The following RNGTT variants were observed in gnomAD, a reference collection of about 807,000 sequenced individuals.
RNGTT encodes the protein RNA guanylyltransferase and 5'-phosphatase.
A neutral mutation model predicts 79.3 loss-of-function variants in RNGTT; 33 were observed. That is an observed-to-expected ratio of 0.42 (90% confidence interval 0.32 to 0.56). RNGTT has a LOEUF of 0.56. Among genes scored for constraint, RNGTT ranks in the 20% least tolerant of loss-of-function variants. The pLI is 0.17. For missense variants in RNGTT, 497 were observed against 739.1 expected, an observed-to-expected ratio of 0.67 and a Z score of 3.80; for synonymous variants, 222 against 235.9, an observed-to-expected ratio of 0.94 and a Z score of 0.54.
At position 88,868,541 on chromosome 6, in the gene RNGTT, CCT is replaced by C. The variant is rs1048789027; in HGVS notation, c.897-14779_897-14778del. Among the ~76,000 whole-genome samples, 24 of 152,148 alleles carry C rather than the reference CCT, an allele frequency of 1.6e-4. 1 individual carries two copies. Among genetic ancestry groups the C allele is most frequent in the Admixed American group, 1.0e-3 (16 of 15,268 alleles). On this transcript the variant is annotated intron_variant, in intron 8 of 15. Transcript: ENST00000369485. ...CTTTCTTCACATTGCTCCCCTCACCCCTGTTACTCATCCTTCACTCATCATCC... is the reference window on the plus strand; with the variant it reads ...CTTTCTTCACATTGCTCCCCTCACCCGTTACTCATCCTTCACTCATCATCC...
intron 11 of RNGTT, among the ~76,000 whole-genome samples, chr6:88,828,607 G>A: frequency 6.6e-6 from 1 of 152,072 alleles, no homozygotes; most frequent in East Asian, 1.9e-4. Context: ...AGCTAAAGAA[G>A]CATGTTCTAA....
At chr6:88,916,701 T>C (rs1469933156) in intron 4 of RNGTT, among the ~76,000 whole-genome samples, 1 of 152,204 alleles carries the variant, frequency 6.6e-6, no homozygotes, top group Non-Finnish European at 1.5e-5. Flanking sequence ...TTTAAAAATA[T>C]ATGCCAAAAA....
chr6:88,725,367 G>C (rs1262292780), intron 13 of RNGTT, among the ~76,000 whole-genome samples: 6 of 151,960 alleles, frequency 3.9e-5, no homozygotes, highest in Admixed American at 3.9e-4. Context: ...TGCAGATGGT[G>C]AAGTATTTCC....
At chr6:88,895,340 G>A (rs542856468) in intron 6 of RNGTT, among the ~76,000 whole-genome samples, 7 of 150,678 alleles carry the variant, frequency 4.6e-5, no homozygotes, top group Admixed American at 2.7e-4. Flanking sequence ...TACATTCATC[G>A]TTGTATTCAA....
intron 13 of RNGTT, among the ~76,000 whole-genome samples, chr6:88,680,501 G>A (rs916643942): frequency 6.6e-6 from 1 of 152,044 alleles, no homozygotes; most frequent in Non-Finnish European, 1.5e-5. Flanking sequence ...CAGCACTTTG[G>A]GAAGCCGAGG....
chr6:88,867,604 T>C (rs1003242025), intron 8 of RNGTT, among the ~76,000 whole-genome samples: 8 of 152,144 alleles, frequency 5.3e-5, no homozygotes, highest in Admixed American at 1.3e-4. Flanking sequence ...GAAGAATCTG[T>C]CCAAAAGTTA....
chr6:88,783,125 G>A (rs941302796), intron 12 of RNGTT, among the ~76,000 whole-genome samples: 2 of 152,106 alleles, frequency 1.3e-5, no homozygotes, highest in Admixed American at 6.6e-5. Flanking sequence ...GCACAATAGC[G>A]AAGATATGGA....
intron 4 of RNGTT, among the ~76,000 whole-genome samples, chr6:88,920,737 A>C (rs1183046453): frequency 6.6e-6 from 1 of 152,252 alleles, no homozygotes; most frequent in African/African-American, 2.4e-5. Context: ...TCATGATTTT[A>C]GAAAGATTCA....
chr6:88,765,815 T>TGA (rs1303513150), intron 13 of RNGTT, among the ~76,000 whole-genome samples: 2 of 152,190 alleles, frequency 1.3e-5, no homozygotes, highest in Non-Finnish European at 2.9e-5. Context: ...ACCTCTATAA[T>TGA]GAAAAGTTAC....
At chr6:88,749,201 G>GA (rs1777763495) in intron 13 of RNGTT, among the ~76,000 whole-genome samples, 1 of 152,104 alleles carries the variant, frequency 6.6e-6, no homozygotes, top group South Asian at 2.1e-4. Context: ...ACTACTGGCA[G>GA]AAAATCTGAA....
intron 8 of RNGTT, among the ~76,000 whole-genome samples, chr6:88,875,027 T>C (rs1782473014): frequency 6.6e-6 from 1 of 152,098 alleles, no homozygotes. Context: ...AATTGTACTT[T>C]TACTTTCCTC....
At position 88,715,686 on chromosome 6, in the gene RNGTT, C is replaced by G. The variant is rs372974850; in HGVS notation, c.1440-37267G>C. ...GCATATCTACAACCATCTGATCTTT[C>G]ACAAACCTGACAAAAACAAGAAATG... On this transcript the variant is annotated intron_variant, in intron 13 of 15. Transcript: ENST00000369485. Among the ~76,000 whole-genome samples, 8 of 152,068 alleles carry G rather than the reference C, an allele frequency of 5.3e-5. No homozygotes were observed. The East Asian group carries it at 7.7e-4, about 15-fold the overall frequency.
At chr6:88,956,612 C>T (rs1205459197) in intron 1 of RNGTT, among the ~76,000 whole-genome samples, 1 of 152,044 alleles carries the variant, frequency 6.6e-6, no homozygotes, top group Non-Finnish European at 1.5e-5. Context: ...GACCAATATC[C>T]CTGATGAACA....
At chr6:88,739,730 TATATATATA>T (rs1777409841) in intron 13 of RNGTT, among the ~76,000 whole-genome samples, 11 of 12,522 alleles carry the variant, frequency 8.8e-4, no homozygotes, top group African/African-American at 2.7e-3. Context: ...AAAAATTATA[TATATATATA>T]TATATATATA....
intron 14 of RNGTT, among the ~76,000 whole-genome samples, chr6:88,653,655 T>C (rs747645806): frequency 1.3e-5 from 2 of 152,202 alleles, no homozygotes; most frequent in East Asian, 3.8e-4. Context: ...AGTAAATATG[T>C]ATGTAATTAG....
chr6:88,913,038 T>C (rs1250403906), intron 4 of RNGTT, among the ~76,000 whole-genome samples: 1 of 151,734 alleles, frequency 6.6e-6, no homozygotes, highest in Non-Finnish European at 1.5e-5. Context: ...ACCCCATCTC[T>C]ATTAAAAACA....
At chr6:88,664,745 T>C (rs1774330552) in intron 14 of RNGTT, among the ~76,000 whole-genome samples, 1 of 152,082 alleles carries the variant, frequency 6.6e-6, no homozygotes, top group Non-Finnish European at 1.5e-5. Context: ...CGAAGGAGCC[T>C]TGTTCAATCT....
At chr6:88,870,036 C>G (rs997676604) in intron 8 of RNGTT, among the ~76,000 whole-genome samples, 1 of 152,040 alleles carries the variant, frequency 6.6e-6, no homozygotes, top group African/African-American at 2.4e-5. Flanking sequence ...AAAAATGTTA[C>G]TAAAATAAAA....
intron 11 of RNGTT, among the ~76,000 whole-genome samples, chr6:88,818,599 T>C (rs1315211997): frequency 6.6e-6 from 1 of 152,112 alleles, no homozygotes; most frequent in African/African-American, 2.4e-5. Flanking sequence ...AAAAAGTTTA[T>C]TTCGTCCATC....
Sources: gnomAD v4.1 joint callset for allele counts (sites outside exome capture counted in the v4.1 genomes callset) on GRCh38, gnomAD v4.1.1 for gene constraint, MANE v1.5 for transcripts, NCBI Gene and HGNC (gene_info 2026-07-23, HGNC 2026-07-21) for gene names.